Variants in FBXO21 observed in about 807,000 individuals in gnomAD.
FBXO21 encodes the protein F-box protein 21, also known as F-box only protein 21.
FBXO21 carries 32 observed loss-of-function variants against 76.6 expected under a neutral mutation model. That is an observed-to-expected ratio of 0.42 (90% CI 0.32 to 0.56). FBXO21 has a LOEUF of 0.56. Among genes scored for constraint, FBXO21 ranks in the 20% least tolerant of loss-of-function variants. FBXO21 has a pLI of 0.16. For missense variants in FBXO21, 586 were observed against 797.3 expected (o/e 0.73, Z 3.19); for synonymous variants, 328 against 311.5 (o/e 1.05, Z -0.56).
Position 117,172,563 on chromosome 12 carries a change from G to C in FBXO21, c.921C>G (p.Leu307=). Residue 307 remains leucine, a synonymous_variant, in exon 7 of 12, where the codon CTC becomes CTG. Coordinates refer to ENST00000622495, the MANE Select transcript of FBXO21 (RefSeq NM_015002.3). ...RTGIPISMSL[L]YLTIARQLGV... ...CCAACTGCCGAGCAATTGTCAAATA[G>C]AGCAGAGACATGCTGATTGGGATTC... is the stretch of plus-strand genomic sequence containing the variant. 6.2e-7 allele frequency: 1 copy of C among 1,614,090 alleles called. No individual in the cohort carries two copies. Among genetic ancestry groups the C allele is most frequent in the Non-Finnish European group, 8.5e-7 (1 of 1,179,918 alleles).
intron 5 of FBXO21, among the ~76,000 whole-genome samples, 155 bp from the exon 6 acceptor site, chr12:117,174,496 T>C (rs977571049): frequency 6.6e-6 from 1 of 152,184 alleles, no homozygotes; most frequent in Non-Finnish European, 1.5e-5. Flanking sequence ...ATTTGAAGTG[T>C]TTTAGGTTCA....
chr12:117,162,611 C>A (rs1044206293), intron 9 of FBXO21, among the ~76,000 whole-genome samples: 2 of 152,174 alleles, frequency 1.3e-5, no homozygotes, highest in Non-Finnish European at 2.9e-5. Flanking sequence ...GTGACCAAGG[C>A]GGCTGATGTT....
chr12:117,160,712 G>A lies in FBXO21; in HGVS notation c.1327-2649C>T, dbSNP rs374241937. ...GATCATGGCTCACTGCAGCCTTGGC[G>A]TTGACCTCCCAGGCTCAGGAGATCC... On this transcript the variant is annotated intron_variant, in intron 9 of 11. Coordinates refer to ENST00000622495, the MANE Select transcript of FBXO21 (RefSeq NM_015002.3). Among the ~76,000 whole-genome samples, 43 of 152,268 alleles carry A rather than the reference G, an allele frequency of 2.8e-4. No individual in the cohort carries two copies. The East Asian group carries it at 6.4e-3, about 23-fold the overall frequency.
intron 11 of FBXO21, among the ~76,000 whole-genome samples, chr12:117,150,698 G>A (rs551418933): frequency 3.3e-5 from 5 of 152,330 alleles, no homozygotes; most frequent in Admixed American, 6.5e-5. Context: ...TGGAGGGATC[G>A]AGGTGGAACT....
Position 117,158,584 on chromosome 12 carries a change from TG to T in FBXO21, c.1327-522del, listed in dbSNP as rs1389066097. ...ATGTCTGACACAACTGCCTCAGTGCTGGAAAAGATGGAAAAGGTCACAGAGT... is the reference window on the plus strand; with the variant it reads ...ATGTCTGACACAACTGCCTCAGTGCTGAAAAGATGGAAAAGGTCACAGAGT... On this transcript the variant is annotated intron_variant, in intron 9 of 11. Transcript: ENST00000622495. 2.6e-5 allele frequency among the ~76,000 whole-genome samples: 4 copies of T among 152,196 alleles called. No homozygotes were observed. The South Asian group carries it at 8.3e-4, about 31-fold the overall frequency.
At chr12:117,165,738 A>T in intron 8 of FBXO21, 121 bp from the exon 9 acceptor site, 1 of 961,742 alleles carries the variant, frequency 1.0e-6, no homozygotes, top group Non-Finnish European at 1.5e-6. Flanking sequence ...TGATTCTGGT[A>T]TTTCTTCTCA....
intron 11 of FBXO21, among the ~76,000 whole-genome samples, chr12:117,152,167 T>C (rs1441665931): frequency 2.0e-5 from 3 of 152,182 alleles, no homozygotes; most frequent in African/African-American, 4.8e-5. Flanking sequence ...CAAAATGTTA[T>C]ACAATTTACA....
intron 1 of FBXO21, among the ~76,000 whole-genome samples, chr12:117,189,566 T>C (rs1000656533): frequency 3.9e-5 from 6 of 151,998 alleles, no homozygotes; most frequent in African/African-American, 1.4e-4. Context: ...GATGTCTCCA[T>C]TCCCCATCTC....
At chr12:117,165,958 G>A (rs756836881) in intron 8 of FBXO21, among the ~76,000 whole-genome samples, 25 of 152,200 alleles carry the variant, frequency 1.6e-4, no homozygotes, top group Non-Finnish European at 3.7e-4. Flanking sequence ...GGGAGGCCAA[G>A]GCGGGCGGAT....
intron 9 of FBXO21, among the ~76,000 whole-genome samples, chr12:117,164,005 ACTTGTAAT>A (rs1390366423): frequency 1.3e-5 from 2 of 151,280 alleles, no homozygotes; most frequent in Non-Finnish European, 2.9e-5. Context: ...GGTGGCACAC[ACTTGTAAT>A]CCCAGCACTT....
intron 11 of FBXO21, among the ~76,000 whole-genome samples, chr12:117,148,178 A>G (rs1227200721): frequency 6.6e-6 from 1 of 152,186 alleles, no homozygotes; most frequent in Non-Finnish European, 1.5e-5. Flanking sequence ...TTTAAACATA[A>G]AACAGGAGGA....
chr12:117,161,166 C>A (rs1024410919), intron 9 of FBXO21, among the ~76,000 whole-genome samples: 1 of 151,958 alleles, frequency 6.6e-6, no homozygotes, highest in Non-Finnish European at 1.5e-5. Context: ...CACACAGGAA[C>A]CAGGGAAGGG....
At chr12:117,189,720 G>A (rs559157143) in intron 1 of FBXO21, among the ~76,000 whole-genome samples, 86 of 152,212 alleles carry the variant, frequency 5.7e-4, no homozygotes, top group Admixed American at 1.8e-3. Context: ...TGAAAGGTAG[G>A]TCTAATGATC....
intron 4 of FBXO21, among the ~76,000 whole-genome samples, chr12:117,176,090 T>TA (rs1002968127): frequency 2.0e-5 from 3 of 152,226 alleles, no homozygotes; most frequent in African/African-American, 7.2e-5. Flanking sequence ...ATACACTTGA[T>TA]AAACATTTAC....
chr12:117,143,613 T>C lies in FBXO21; in HGVS notation c.*2474A>G, dbSNP rs1955737894. The C allele has an allele frequency of 6.6e-6, 1 of 152,406 alleles. No individual in the cohort carries two copies. The highest frequency in any genetic ancestry group is 2.1e-4 in the South Asian group (1 of 4,830). The allele number at this position is 152,406 out of a possible 1,614,324, so 9.4% of individuals were successfully genotyped here. A position where few individuals can be genotyped will look rare whatever the true frequency, so the allele number is the denominator to read the frequency against. The stretch of plus-strand genomic sequence containing the variant: ...ACTAGTGAGCTGATAAAATTAACGT[T>C]TGGCAAGGAGGTCATGGTTTACAGG... On this transcript the variant is annotated 3_prime_UTR_variant, in exon 12 of 12. Transcript: ENST00000622495.
intron 10 of FBXO21, among the ~76,000 whole-genome samples, chr12:117,157,541 A>G (rs1235828612): frequency 6.6e-6 from 1 of 152,184 alleles, no homozygotes; most frequent in African/African-American, 2.4e-5. Context: ...ATATAAGAAC[A>G]ATGAGGAAAT....
In FBXO21 at chr12:117,143,539, A is replaced by G. The variant is rs1241393356; in HGVS notation, c.*2548T>C. 1 of 152,234 alleles carries G rather than the reference A, an allele frequency of 6.6e-6. No individual in the cohort carries two copies. Among genetic ancestry groups the G allele is most frequent in the East Asian group, 1.9e-4 (1 of 5,202 alleles). 9.4% of individuals were successfully genotyped at this position (152,234 alleles called of 1,614,324 possible). A position where few individuals can be genotyped will look rare whatever the true frequency, so the allele number is the denominator to read the frequency against. ...ATTTTACAACATGTGTTTTAACATA[A>G]TTCAGAAAGTGCAATCTTTGCATGA... On this transcript the variant is annotated 3_prime_UTR_variant, in exon 12 of 12. Coordinates refer to ENST00000622495, the MANE Select transcript of FBXO21 (RefSeq NM_015002.3).
chr12:117,162,342 G>C (rs1160360723), intron 9 of FBXO21, among the ~76,000 whole-genome samples: 4 of 152,240 alleles, frequency 2.6e-5, no homozygotes, highest in Admixed American at 2.0e-4. Flanking sequence ...ATGCCGCATG[G>C]GGTGGGCTAG....
chr12:117,174,116 AAC>A (rs1956148724), intron 6 of FBXO21, 87 bp downstream of exon 6: 2 of 1,100,064 alleles, frequency 1.8e-6, no homozygotes, highest in Non-Finnish European at 2.7e-6. Flanking sequence ...CAGCCTGAGC[AAC>A]AGAGCGAGAC....
Sources: gnomAD v4.1 joint callset for allele counts (sites outside exome capture counted in the v4.1 genomes callset) on GRCh38, gnomAD v4.1.1 for gene constraint, MANE v1.5 for transcripts, NCBI Gene and HGNC (gene_info 2026-07-23, HGNC 2026-07-21) for gene names.